The following DIPK1A variants were observed in gnomAD, a reference collection of about 807,000 sequenced individuals.
DIPK1A encodes the protein family with sequence similarity 69 member A.
DIPK1A carries 27 observed loss-of-function variants against 40.8 expected under a neutral mutation model. The ratio of observed to expected loss-of-function variants is 0.66; its 90% CI spans 0.49 to 0.91. The LOEUF (loss-of-function observed/expected upper bound fraction) is 0.91, where lower values mean the gene tolerates loss of function less well. Among genes scored for constraint, DIPK1A ranks in the 40% least tolerant of loss-of-function variants. The pLI, the probability that DIPK1A is intolerant of heterozygous loss-of-function variation, is 0.00. For missense variants in DIPK1A, 412 were observed against 505.7 expected, an observed-to-expected ratio of 0.81 and a Z score of 1.78; for synonymous variants, 166 against 171.3, an observed-to-expected ratio of 0.97 and a Z score of 0.24.
chr1:92,852,010 T>C (rs530366345), intron 2 of DIPK1A, among the ~76,000 whole-genome samples: 91 of 152,106 alleles, frequency 6.0e-4, no homozygotes, highest in Non-Finnish European at 6.6e-4. Flanking sequence ...TGAACTACGG[T>C]TGGGAGAGAG....
At position 92,871,346 on chromosome 1, in the gene DIPK1A, G is replaced by T. The variant is rs575142307; in HGVS notation, c.189+4950C>A. Among the ~76,000 whole-genome samples, 13 of 152,090 alleles carry T rather than the reference G, an allele frequency of 8.5e-5. No homozygotes were observed. The South Asian group carries it at 1.5e-3, about 17-fold the overall frequency. Reference sequence around the variant, plus strand: ...ACGCACGGCTAATTTTGTATTTTTAGTAGAGACAGGATTTCTCCATGTTGG... The same window carrying T: ...ACGCACGGCTAATTTTGTATTTTTATTAGAGACAGGATTTCTCCATGTTGG... On this transcript the variant is annotated intron_variant, in intron 2 of 4. Transcript: ENST00000370310.
chr1:92,960,208 A>G (rs977412220), intron 1 of DIPK1A, among the ~76,000 whole-genome samples: 1 of 152,076 alleles, frequency 6.6e-6, no homozygotes, highest in Non-Finnish European at 1.5e-5. Context: ...CACGCTTAAT[A>G]TCATGGGTTG....
chr1:92,868,182 G>C (rs1647654647), intron 2 of DIPK1A, among the ~76,000 whole-genome samples: 1 of 152,126 alleles, frequency 6.6e-6, no homozygotes, highest in Non-Finnish European at 1.5e-5. Context: ...CTTACTCAAA[G>C]CTACACAGTA....
chr1:92,879,685 C>T (rs756510890), intron 1 of DIPK1A, among the ~76,000 whole-genome samples: 2 of 152,216 alleles, frequency 1.3e-5, no homozygotes, highest in East Asian at 3.8e-4. Context: ...GCAGATCCTG[C>T]AGCCTCACAT....
downstream of DIPK1A, chr1:92,842,023 C>T: frequency 1.3e-6 from 1 of 789,478 alleles, no homozygotes; most frequent in Non-Finnish European, 1.9e-6. Flanking sequence ...TCCAAGAAAA[C>T]AAGTGTAACT....
chr1:92,953,768 G>C (rs1571154470), intron 1 of DIPK1A, among the ~76,000 whole-genome samples: 1 of 152,340 alleles, frequency 6.6e-6, no homozygotes, highest in South Asian at 2.1e-4. Flanking sequence ...AATGGGTAGA[G>C]TTTCGACTTT....
intron 1 of DIPK1A, among the ~76,000 whole-genome samples, chr1:92,960,112 G>C (rs1046853589): frequency 6.6e-6 from 1 of 151,552 alleles, no homozygotes; most frequent in African/African-American, 2.4e-5. Flanking sequence ...GGCCTGGGTT[G>C]AATTCTAGAA....
chr1:92,846,807 A>ATATGTG (rs1687619824), intron 4 of DIPK1A, among the ~76,000 whole-genome samples: 2 of 2,592 alleles, frequency 7.7e-4, no homozygotes, highest in African/African-American at 6.8e-3. Flanking sequence ...ATATATATAT[A>ATATGTG]TATATATATA....
chr1:92,889,918 G>C (rs1010755853), intron 1 of DIPK1A, among the ~76,000 whole-genome samples: 11 of 152,298 alleles, frequency 7.2e-5, no homozygotes, highest in Non-Finnish European at 1.5e-4. Flanking sequence ...CCAAAGTGCT[G>C]AGATTACAGG....
At chr1:92,912,337 T>C (rs182808549) in intron 1 of DIPK1A, among the ~76,000 whole-genome samples, 3 of 152,082 alleles carry the variant, frequency 2.0e-5, no homozygotes, top group Non-Finnish European at 2.9e-5. Flanking sequence ...GATAGGTTTG[T>C]GGGCGTTAGT....
intron 1 of DIPK1A, among the ~76,000 whole-genome samples, chr1:92,948,304 T>A (rs533312740): frequency 1.3e-5 from 2 of 152,256 alleles, no homozygotes; most frequent in African/African-American, 4.8e-5. Flanking sequence ...TGGAAGTTTT[T>A]CAGGATTGCT....
chr1:92,842,870 T>C lies in DIPK1A; in HGVS notation c.*513A>G. ...GGTTAAAAATGGGTGTATAAGTCTTTAATACAGTAAACCATGCTATTAACC... is the reference window on the plus strand; with the variant it reads ...GGTTAAAAATGGGTGTATAAGTCTTCAATACAGTAAACCATGCTATTAACC... On this transcript the variant is annotated 3_prime_UTR_variant, in exon 5 of 5. Transcript: ENST00000370310. 2 of 986,136 alleles carry C rather than the reference T, an allele frequency of 2.0e-6. No individual in the cohort carries two copies. The highest frequency in any genetic ancestry group is 1.2e-6 in the Non-Finnish European group (1 of 830,420). The allele number at this position is 986,136 out of a possible 1,614,324, so 61.1% of individuals were successfully genotyped here.
chr1:92,858,001 G>A (rs764579986), intron 2 of DIPK1A, among the ~76,000 whole-genome samples: 1 of 152,174 alleles, frequency 6.6e-6, no homozygotes, highest in Non-Finnish European at 1.5e-5. Context: ...AACAGGGCTA[G>A]GACTTTCATC....
intron 1 of DIPK1A, among the ~76,000 whole-genome samples, chr1:92,895,742 T>A (rs1188389498): frequency 6.6e-6 from 1 of 152,088 alleles, no homozygotes; most frequent in African/African-American, 2.4e-5. Flanking sequence ...CATGATTGTA[T>A]ATCTAGAAAA....
chr1:92,846,825 A>ACG (rs1168989512), intron 4 of DIPK1A, among the ~76,000 whole-genome samples: 5 of 5,532 alleles, frequency 9.0e-4, no homozygotes, highest in African/African-American at 7.8e-3. Flanking sequence ...ATATATATAT[A>ACG]TATATATATA....
intron 1 of DIPK1A, among the ~76,000 whole-genome samples, chr1:92,883,617 G>A (rs1648478215): frequency 6.6e-6 from 1 of 152,170 alleles, no homozygotes; most frequent in Non-Finnish European, 1.5e-5. Flanking sequence ...TTAGGTGGCT[G>A]GAACAGCTTT....
chr1:92,871,356 G>A (rs1647852542), intron 2 of DIPK1A, among the ~76,000 whole-genome samples: 1 of 152,052 alleles, frequency 6.6e-6, no homozygotes, highest in Non-Finnish European at 1.5e-5. Context: ...GTAGAGACAG[G>A]ATTTCTCCAT....
At chr1:92,911,050 C>T (rs566165754) in intron 1 of DIPK1A, among the ~76,000 whole-genome samples, 4 of 152,296 alleles carry the variant, frequency 2.6e-5, no homozygotes, top group African/African-American at 7.2e-5. Flanking sequence ...TGGATTCATA[C>T]AATATGTAAA....
chr1:92,832,914 A>G (rs1686965597), exon 5 of DIPK1A: 2 of 675,696 alleles, frequency 3.0e-6, no homozygotes, highest in African/African-American at 1.8e-5. Flanking sequence ...CGTAGTTGTT[A>G]TTTGAGGCTA....
Sources: allele counts gnomAD v4.1 joint callset (sites outside exome capture counted in the v4.1 genomes callset), GRCh38; gene constraint gnomAD v4.1.1; transcripts MANE v1.5; gene names NCBI Gene and HGNC (gene_info 2026-07-23, HGNC 2026-07-21).